Variants in RAB5B observed in about 807,000 individuals in gnomAD.
The protein encoded by RAB5B is ras-related protein Rab-5B.
A neutral mutation model predicts 28.6 loss-of-function variants in RAB5B; 11 were observed. That is an observed-to-expected ratio of 0.38 (90% CI 0.24 to 0.64). The LOEUF is 0.64. Among genes scored for constraint, RAB5B ranks in the 30% least tolerant of loss-of-function variants. The pLI is 0.53. For missense variants in RAB5B, 169 were observed against 265.6 expected (o/e 0.64, Z 2.53); for synonymous variants, 93 against 97.9 (o/e 0.95, Z 0.29).
At chr12:55,978,580 G>C (rs1420574457) in intron 1 of RAB5B, among the ~76,000 whole-genome samples, 1 of 152,162 alleles carries the variant, frequency 6.6e-6, no homozygotes, top group African/African-American at 2.4e-5. Flanking sequence ...AGTTGATTGG[G>C]GGAGAGAAGT....
At chr12:55,990,138 G>A in intron 3 of RAB5B, 40 bp downstream of exon 3, 1 of 1,577,166 alleles carries the variant, frequency 6.3e-7, no homozygotes, top group Non-Finnish European at 8.6e-7. Context: ...GGCTGGACAT[G>A]GTGGCTTACG....
rs1890299177 is a variant in RAB5B at position 55,996,114 on chromosome 12, A to G, written c.*3902A>G. 1.3e-5 allele frequency: 2 copies of G among 151,356 alleles called. No homozygotes were observed. 9.4% of individuals were successfully genotyped at this position (151,356 alleles called of 1,614,324 possible). On this transcript the variant is annotated 3_prime_UTR_variant, in exon 6 of 6. Coordinates refer to ENST00000360299, the MANE Select transcript of RAB5B (RefSeq NM_002868.4). ...TCCAAACACTTAAGAGCCAAAGCCAACTTGCCAACTTTTCACTGTCGGTTC... is the reference window on the plus strand; with the variant it reads ...TCCAAACACTTAAGAGCCAAAGCCAGCTTGCCAACTTTTCACTGTCGGTTC...
rs941770353 is a variant in RAB5B at position 55,995,829 on chromosome 12, TAGGA to T, written c.*3622_*3625del. The T allele has an allele frequency of 6.6e-6, 1 of 151,532 alleles. No individual in the cohort carries two copies. Among genetic ancestry groups the T allele is most frequent in the Non-Finnish European group, 1.5e-5 (1 of 67,936 alleles). The allele number at this position is 151,532 out of a possible 1,614,324, so 9.4% of individuals were successfully genotyped here. A position where few individuals can be genotyped will look rare whatever the true frequency, so the allele number is the denominator to read the frequency against. On this transcript the variant is annotated 3_prime_UTR_variant, in exon 6 of 6. Coordinates refer to ENST00000360299, the MANE Select transcript of RAB5B (RefSeq NM_002868.4). ...GTCACACAAAAGTAGATGACACTAT[TAGGA>T]AGGAGGCTTTTAGATAGTCCCTAAC...
Position 55,986,911 on chromosome 12 carries a change from CTTTA to C in RAB5B, c.-49_-46del, listed in dbSNP as rs753966464. On this transcript the variant is annotated 5_prime_UTR_variant, in exon 2 of 6. Transcript: ENST00000360299. ...AATCCCCTCCCCTTCCCCCTCCCCC[CTTTA>C]CAGTATCCCCCTCCCTCCACCCTTT... 6 of 752,538 alleles carry C rather than the reference CTTTA, an allele frequency of 8.0e-6. No homozygotes were observed. The highest frequency in any genetic ancestry group is 1.4e-5 in the Non-Finnish European group (6 of 439,128). 46.6% of individuals were successfully genotyped at this position (752,538 alleles called of 1,614,324 possible).
chr12:55,990,912 C>T, intron 4 of RAB5B, 108 bp downstream of exon 4: 2 of 1,382,332 alleles, frequency 1.4e-6, no homozygotes, highest in Non-Finnish European at 2.0e-6. Flanking sequence ...TTCATTGTCT[C>T]ATTCCCCAGT....
At chr12:55,988,935 C>CTTTTTTTTT (rs35994383) in intron 2 of RAB5B, among the ~76,000 whole-genome samples, 46 of 94,674 alleles carry the variant, frequency 4.9e-4, no homozygotes, top group East Asian at 6.2e-4. Flanking sequence ...CTAATTAATT[C>CTTTTTTTTT]TTTTTTTTTT....
intron 5 of RAB5B, 68 bp from the exon 6 acceptor site, chr12:55,992,029 C>T (rs746461692): frequency 1.7e-4 from 206 of 1,180,586 alleles, no homozygotes; most frequent in South Asian, 2.5e-4. Flanking sequence ...CCGTTTTTGG[C>T]GGGTGGAGGC....
Position 55,996,001 on chromosome 12 carries a change from A to ATTTT in RAB5B, c.*3790_*3791insTTTT, listed in dbSNP as rs1365255281. On this transcript the variant is annotated 3_prime_UTR_variant, in exon 6 of 6. Transcript: ENST00000360299. Reference sequence around the variant, plus strand: ...TATATATACATATATATATATATATATATTTTTTTTTTAACAACTGGTAGG... The same window carrying ATTTT: ...TATATATACATATATATATATATATATTTTTATTTTTTTTTTAACAACTGGTAGG... The ATTTT allele has an allele frequency of 2.0e-4, 17 of 84,624 alleles. No homozygotes were observed. Among genetic ancestry groups the ATTTT allele is most frequent in the Non-Finnish European group, 2.1e-4 (9 of 41,924 alleles). The allele number at this position is 84,624 out of a possible 1,614,324, so 5.2% of individuals were successfully genotyped here. A position where few individuals can be genotyped will look rare whatever the true frequency, so the allele number is the denominator to read the frequency against.
intron 1 of RAB5B, among the ~76,000 whole-genome samples, chr12:55,981,402 A>G (rs1395794477): frequency 6.6e-6 from 1 of 152,066 alleles, no homozygotes; most frequent in Non-Finnish European, 1.5e-5. Context: ...TTCCTCACCT[A>G]TAAAATATAG....
chr12:55,989,353 C>A (rs181933956), intron 2 of RAB5B, among the ~76,000 whole-genome samples: 125 of 152,320 alleles, frequency 8.2e-4, no homozygotes, highest in African/African-American at 2.9e-3. Flanking sequence ...TGGCTCACTG[C>A]AACCTCCACC....
chr12:55,984,086 A>G (rs1592799582), intron 1 of RAB5B, among the ~76,000 whole-genome samples: 1 of 150,368 alleles, frequency 6.7e-6, no homozygotes, highest in East Asian at 2.0e-4. Flanking sequence ...TGGTGGCACG[A>G]TCTCGGCTCA....
intron 1 of RAB5B, chr12:55,980,512 T>C (rs1342049980): frequency 2.8e-5 from 44 of 1,587,122 alleles, no homozygotes; most frequent in Non-Finnish European, 3.5e-5. Context: ...ATCTCCGGCC[T>C]CCTGACTTGA....
intron 1 of RAB5B, among the ~76,000 whole-genome samples, chr12:55,984,803 T>C (rs1889909930): frequency 6.6e-6 from 1 of 152,230 alleles, no homozygotes; most frequent in African/African-American, 2.4e-5. Context: ...AATATATTGA[T>C]AACAACTAAT....
At chr12:55,988,492 C>T (rs1284453188) in intron 2 of RAB5B, among the ~76,000 whole-genome samples, 3 of 152,030 alleles carry the variant, frequency 2.0e-5, no homozygotes, top group Admixed American at 1.3e-4. Flanking sequence ...ATTCCTTCCC[C>T]TTGTTATTTT....
rs1234765238 is a variant in RAB5B, at chr12:55,992,448, A to G, written c.*236A>G. 4.5e-6 allele frequency: 3 copies of G among 673,588 alleles called. No individual in the cohort carries two copies. The highest frequency in any genetic ancestry group is 8.2e-6 in the Non-Finnish European group (3 of 366,982). 41.7% of individuals were successfully genotyped at this position (673,588 alleles called of 1,614,324 possible). On this transcript the variant is annotated 3_prime_UTR_variant, in exon 6 of 6. Transcript: ENST00000360299. ...TGGGGCTTGGGGGTCAACTCCCCCC[A>G]GGACTTACCTTCCAAAACAAACTTT... is the stretch of plus-strand genomic sequence containing the variant.
At chr12:55,983,654 C>CTTT (rs34363943) in intron 1 of RAB5B, among the ~76,000 whole-genome samples, 3 of 121,686 alleles carry the variant, frequency 2.5e-5, no homozygotes, top group Non-Finnish European at 3.4e-5. Context: ...GTTATGTCTC[C>CTTT]TTTTTTTTTT....
Position 55,996,660 on chromosome 12 carries a change from C to A in RAB5B, c.*4448C>A, listed in dbSNP as rs1249401755. 1 of 151,706 alleles carries A rather than the reference C, an allele frequency of 6.6e-6. No individual in the cohort carries two copies. The highest frequency in any genetic ancestry group is 6.6e-5 in the Admixed American group (1 of 15,250). The allele number at this position is 151,706 out of a possible 1,614,324, so 9.4% of individuals were successfully genotyped here. A position where few individuals can be genotyped will look rare whatever the true frequency, so the allele number is the denominator to read the frequency against. On this transcript the variant is annotated 3_prime_UTR_variant, in exon 6 of 6. Coordinates refer to ENST00000360299, the MANE Select transcript of RAB5B (RefSeq NM_002868.4). ...GGGCGATTATTATTTTTTTTTTCTACGCAAAATAAAAGACGGCTATTCAGT... is the reference window on the plus strand; with the variant it reads ...GGGCGATTATTATTTTTTTTTTCTAAGCAAAATAAAAGACGGCTATTCAGT...
rs1207856151 is a variant in RAB5B at position 55,995,999 on chromosome 12, A to ATTTTTTTTTTTTTT, written c.*3788_*3789insTTTTTTTTTTTTTT. On this transcript the variant is annotated 3_prime_UTR_variant, in exon 6 of 6. Transcript: ENST00000360299. ...TATATATATACATATATATATATATATATATTTTTTTTTTAACAACTGGTA... is the reference window on the plus strand; with the variant it reads ...TATATATATACATATATATATATATATTTTTTTTTTTTTTTATATTTTTTTTTTAACAACTGGTA... 1 of 85,832 alleles carries ATTTTTTTTTTTTTT rather than the reference A, an allele frequency of 1.2e-5. No individual in the cohort carries two copies. The highest frequency in any genetic ancestry group is 2.4e-5 in the Non-Finnish European group (1 of 42,430). The allele number at this position is 85,832 out of a possible 1,614,324, so 5.3% of individuals were successfully genotyped here. A position where few individuals can be genotyped will look rare whatever the true frequency, so the allele number is the denominator to read the frequency against.
chr12:55,990,585 C>A, intron 3 of RAB5B, 97 bp from the exon 4 acceptor site: 1 of 1,466,668 alleles, frequency 6.8e-7, no homozygotes, highest in Non-Finnish European at 9.4e-7. Flanking sequence ...TGAGGGAAGA[C>A]CACCTAGAAG....
Sources: gnomAD v4.1 joint callset for allele counts (sites outside exome capture counted in the v4.1 genomes callset) on GRCh38, gnomAD v4.1.1 for gene constraint, MANE v1.5 for transcripts, NCBI Gene and HGNC (gene_info 2026-07-23, HGNC 2026-07-21) for gene names.